COLEC10: variants seen among roughly 807,000 people sequenced by gnomAD.
COLEC10 encodes collectin-10.
A neutral mutation model predicts 28.4 loss-of-function variants in COLEC10; 22 were observed. The ratio of observed to expected loss-of-function variants is 0.78; its 90% CI spans 0.55 to 1.11. COLEC10 has a LOEUF of 1.11. Ranked by LOEUF, COLEC10 falls within the 50% of genes least tolerant of loss-of-function variation. COLEC10 has a pLI of 0.00. For synonymous variants in COLEC10, 125 were observed against 116.1 expected, an observed-to-expected ratio of 1.08 and a Z score of -0.49; for missense variants, 361 against 344.1, an observed-to-expected ratio of 1.05 and a Z score of -0.39.
intron 2 of COLEC10, among the ~76,000 whole-genome samples, chr8:119,010,921 C>T (rs1456620593): frequency 2.7e-5 from 4 of 150,774 alleles, no homozygotes; most frequent in East Asian, 1.9e-4. Context: ...ATATGTCTTA[C>T]GTCTTTCTCT....
In COLEC10 at chr8:119,107,754, C is replaced by A. The variant is rs1037092146; in HGVS notation, c.*1563C>A. On this transcript the variant is annotated 3_prime_UTR_variant, in exon 6 of 6. Transcript: ENST00000332843. ...CCTTCCAAAGGAGCCAGCTGCTCCT[C>A]AGTGGCTGCTGCTGGTGCTAGGGAG... is the stretch of plus-strand genomic sequence containing the variant. Among the ~76,000 whole-genome samples the A allele has an allele frequency of 1.3e-5, 2 of 152,168 alleles. No homozygotes were observed. The highest frequency in any genetic ancestry group is 4.8e-5 in the African/African-American group (2 of 41,448).
intron 1 of COLEC10, among the ~76,000 whole-genome samples, chr8:119,083,872 GT>G (rs1356744413): frequency 6.6e-6 from 1 of 152,102 alleles, no homozygotes; most frequent in Non-Finnish European, 1.5e-5. Context: ...AAATTCAGGA[GT>G]TGAGCCTAAG....
the COLEC10 span, among the ~76,000 whole-genome samples, chr8:118,980,273 C>G: frequency 6.7e-6 from 1 of 150,338 alleles, no homozygotes; most frequent in South Asian, 2.1e-4. Flanking sequence ...CATCTCAGCT[C>G]ACTGCAACCT....
chr8:118,982,700 T>TGA, the COLEC10 span: 1 of 159,416 alleles, frequency 6.3e-6, no homozygotes, highest in South Asian at 1.9e-4. Flanking sequence ...TCATATTAAA[T>TGA]GAGCTACAGT....
intron 1 of COLEC10, among the ~76,000 whole-genome samples, chr8:119,072,836 G>A (rs1815151815): frequency 2.0e-5 from 3 of 152,150 alleles, no homozygotes; most frequent in Admixed American, 6.6e-5. Flanking sequence ...CCTATCCTCT[G>A]GGATAATTCC....
chr8:118,988,436 T>C, the COLEC10 span, among the ~76,000 whole-genome samples: 1 of 152,038 alleles, frequency 6.6e-6, no homozygotes, highest in Non-Finnish European at 1.5e-5. Context: ...CCCACTCTAG[T>C]CCCTTCCAAC....
intron 2 of COLEC10, among the ~76,000 whole-genome samples, chr8:119,048,469 T>C (rs1814621981): frequency 1.3e-5 from 2 of 152,232 alleles, no homozygotes; most frequent in African/African-American, 4.8e-5. Context: ...TATTGTGTGG[T>C]TGTCTAAGTC....
chr8:119,039,274 C>T (rs1046738833), intron 2 of COLEC10, among the ~76,000 whole-genome samples: 11 of 152,168 alleles, frequency 7.2e-5, no homozygotes, highest in African/African-American at 1.9e-4. Context: ...CTGCAGTTTT[C>T]AATATGAAAT....
At position 119,106,238 on chromosome 8, in the gene COLEC10, A is replaced by G. The variant is rs1815940614; in HGVS notation, c.*47A>G. 6.5e-7 allele frequency: 1 copy of G among 1,536,694 alleles called. No individual in the cohort carries two copies. The highest frequency in any genetic ancestry group is 8.8e-7 in the Non-Finnish European group (1 of 1,135,784). On this transcript the variant is annotated 3_prime_UTR_variant, in exon 6 of 6. Coordinates refer to ENST00000332843, the MANE Select transcript of COLEC10 (RefSeq NM_006438.5). ...GCTATTTTCCTGTGACCGTCATTACAGTTATTGTTATCCATCCTTTTTTTC... is the reference window on the plus strand; with the variant it reads ...GCTATTTTCCTGTGACCGTCATTACGGTTATTGTTATCCATCCTTTTTTTC...
At chr8:119,060,044 C>T (rs953819902) in intron 2 of COLEC10, among the ~76,000 whole-genome samples, 5 of 152,052 alleles carry the variant, frequency 3.3e-5, no homozygotes, top group Non-Finnish European at 5.9e-5. Flanking sequence ...CTCATCTCAG[C>T]ACACCTACCC....
At chr8:119,019,875 A>T (rs1176641531) in intron 2 of COLEC10, among the ~76,000 whole-genome samples, 1 of 152,224 alleles carries the variant, frequency 6.6e-6, no homozygotes, top group Admixed American at 6.5e-5. Context: ...CAGCCTAGTT[A>T]AAATTTCAAT....
At chr8:118,999,952 G>A (rs1276263284) in intron 1 of COLEC10, among the ~76,000 whole-genome samples, 1 of 152,152 alleles carries the variant, frequency 6.6e-6, no homozygotes, top group Non-Finnish European at 1.5e-5. Context: ...TAGCTGAAGA[G>A]GCATGGGGTA....
intron 1 of COLEC10, among the ~76,000 whole-genome samples, chr8:119,077,192 C>G (rs903434631): frequency 8.8e-5 from 13 of 147,128 alleles, no homozygotes; most frequent in African/African-American, 3.2e-4. Context: ...TGACATTTTA[C>G]TTTTCCAATT....
the COLEC10 span, among the ~76,000 whole-genome samples, chr8:118,969,260 A>G: frequency 1.3e-5 from 2 of 152,032 alleles, no homozygotes; most frequent in African/African-American, 4.8e-5. Flanking sequence ...TTGTAGCCCC[A>G]TAAGACTTAT....
chr8:118,974,111 G>A, the COLEC10 span, among the ~76,000 whole-genome samples: 1 of 151,790 alleles, frequency 6.6e-6, no homozygotes, highest in Non-Finnish European at 1.5e-5. Flanking sequence ...GGCCTTTCTA[G>A]TCTATGCTAT....
At chr8:119,010,788 A>G (rs1324833650) in intron 2 of COLEC10, among the ~76,000 whole-genome samples, 1 of 151,042 alleles carries the variant, frequency 6.6e-6, no homozygotes, top group East Asian at 1.9e-4. Context: ...GTAATTTGCC[A>G]TCTGCGCATC....
chr8:119,025,625 G>A (rs149607512), intron 2 of COLEC10, among the ~76,000 whole-genome samples: 24 of 152,322 alleles, frequency 1.6e-4, no homozygotes, highest in African/African-American at 5.5e-4. Context: ...CCACATCACA[G>A]TGTGGGATTT....
chr8:118,968,729 C>T, the COLEC10 span, among the ~76,000 whole-genome samples: 1 of 151,722 alleles, frequency 6.6e-6, no homozygotes, highest in African/African-American at 2.4e-5. Context: ...ACCCATCAAC[C>T]CATCATCTGC....
At chr8:119,075,892 C>CTTTTTT (rs35870985) in intron 1 of COLEC10, among the ~76,000 whole-genome samples, 16 of 82,416 alleles carry the variant, frequency 1.9e-4, no homozygotes, top group East Asian at 4.1e-4. Context: ...TCAGCCATAT[C>CTTTTTT]TTTTTTTTTT....
Sources: gnomAD v4.1 joint callset for allele counts (sites outside exome capture counted in the v4.1 genomes callset) on GRCh38, gnomAD v4.1.1 for gene constraint, MANE v1.5 for transcripts, NCBI Gene and HGNC (gene_info 2026-07-23, HGNC 2026-07-21) for gene names.